The following RBMS1 variants were observed in gnomAD, a reference collection of about 807,000 sequenced individuals.
RBMS1 encodes RNA-binding motif, single-stranded-interacting protein 1.
A neutral mutation model predicts 62.3 loss-of-function variants in RBMS1; 17 were observed. That is an observed-to-expected ratio of 0.27 (90% CI 0.19 to 0.41). RBMS1 has a LOEUF of 0.41. Ranked by LOEUF, RBMS1 falls within the 10% of genes least tolerant of loss-of-function variation. The probability of loss-of-function intolerance (pLI) is 1.00; values close to 1 mark genes in which losing one functional copy is unlikely to be tolerated. For missense variants in RBMS1, 334 were observed against 504.5 expected (o/e 0.66, Z 3.24); for synonymous variants, 172 against 170.0 (o/e 1.01, Z -0.09).
intron 3 of RBMS1, among the ~76,000 whole-genome samples, chr2:160,313,930 A>AC (rs1690071802): frequency 6.6e-6 from 1 of 152,194 alleles, no homozygotes; most frequent in Admixed American, 6.5e-5. Flanking sequence ...CAAACACATA[A>AC]CCTCCTTAGA....
chr2:160,421,322 G>A (rs1017298182), intron 1 of RBMS1, among the ~76,000 whole-genome samples: 16 of 141,080 alleles, frequency 1.1e-4, no homozygotes, highest in African/African-American at 2.8e-4. Flanking sequence ...GACAGGCCCC[G>A]GTGTGTGATG....
intron 2 of RBMS1, among the ~76,000 whole-genome samples, chr2:160,318,457 G>A (rs1690361484): frequency 6.6e-6 from 1 of 152,170 alleles, no homozygotes; most frequent in Non-Finnish European, 1.5e-5. Flanking sequence ...ATTGCAGTTT[G>A]AAGTTCAACT....
chr2:160,488,758 A>G (rs1006014327), intron 1 of RBMS1, among the ~76,000 whole-genome samples: 18 of 152,200 alleles, frequency 1.2e-4, no homozygotes, highest in African/African-American at 4.1e-4. Flanking sequence ...TTTAGATTGC[A>G]TAAAACACTT....
At chr2:160,477,925 AG>A (rs1162685011) in intron 1 of RBMS1, among the ~76,000 whole-genome samples, 1 of 152,240 alleles carries the variant, frequency 6.6e-6, no homozygotes, top group Non-Finnish European at 1.5e-5. Context: ...GTTTTCGGAG[AG>A]ATTTGAAACA....
intron 1 of RBMS1, among the ~76,000 whole-genome samples, chr2:160,402,260 G>A (rs1274385779): frequency 6.6e-6 from 1 of 152,200 alleles, no homozygotes; most frequent in African/African-American, 2.4e-5. Flanking sequence ...CTTTCAATTA[G>A]GTAGAGTGCA....
intron 6 of RBMS1, among the ~76,000 whole-genome samples, chr2:160,290,764 A>C (rs536574747): frequency 6.6e-6 from 1 of 152,306 alleles, no homozygotes; most frequent in African/African-American, 2.4e-5. Context: ...ACACTGATCT[A>C]ATATTTTCCG....
intron 1 of RBMS1, among the ~76,000 whole-genome samples, chr2:160,448,943 G>A (rs1683810701): frequency 6.6e-6 from 1 of 151,506 alleles, no homozygotes; most frequent in Non-Finnish European, 1.5e-5. Context: ...CTGCCCGGTC[G>A]CCATCCCGTC....
chr2:160,327,005 T>C (rs988214219), intron 2 of RBMS1, among the ~76,000 whole-genome samples: 13 of 152,298 alleles, frequency 8.5e-5, no homozygotes, highest in Middle Eastern at 3.4e-3. Flanking sequence ...GCCTGCAGAT[T>C]TGAGGTGATT....
At chr2:160,285,133 T>G (rs1688309115) in intron 7 of RBMS1, 89 bp from the exon 8 acceptor site, 2 of 1,291,688 alleles carry the variant, frequency 1.5e-6, no homozygotes, top group Admixed American at 3.4e-5. Context: ...GGTGTGCACC[T>G]GTAGTCCCAG....
chr2:160,394,790 C>T (rs1366436245), intron 1 of RBMS1, among the ~76,000 whole-genome samples: 2 of 152,134 alleles, frequency 1.3e-5, no homozygotes, highest in African/African-American at 4.8e-5. Context: ...ATTAGAAAAA[C>T]ATTAGTGCAA....
At chr2:160,392,084 T>C (rs751263120) in intron 1 of RBMS1, among the ~76,000 whole-genome samples, 2 of 152,220 alleles carry the variant, frequency 1.3e-5, no homozygotes, top group African/African-American at 4.8e-5. Flanking sequence ...ATTGAGCTCT[T>C]AATCCAAAAC....
At chr2:160,446,159 T>C (rs1391357563) in intron 1 of RBMS1, among the ~76,000 whole-genome samples, 1 of 152,188 alleles carries the variant, frequency 6.6e-6, no homozygotes, top group African/African-American at 2.4e-5. Context: ...TCAAAAAGTT[T>C]TACATTTCAG....
intron 2 of RBMS1, among the ~76,000 whole-genome samples, chr2:160,321,512 G>A (rs1348173976): frequency 6.6e-6 from 1 of 151,982 alleles, no homozygotes; most frequent in Non-Finnish European, 1.5e-5. Context: ...ACTCACCAAA[G>A]CTTTGGTTTT....
At chr2:160,300,796 C>A in intron 5 of RBMS1, 66 bp from the exon 6 acceptor site, 1 of 1,397,176 alleles carries the variant, frequency 7.2e-7, no homozygotes, top group Non-Finnish European at 9.4e-7. Flanking sequence ...TTGTTCGGTG[C>A]ATGCATAAAC....
rs1477125786 is a variant in RBMS1 at position 160,324,919 on chromosome 2, C to CAT, written c.252-6693_252-6692insAT. On this transcript the variant is annotated intron_variant, in intron 2 of 13. Coordinates refer to ENST00000348849, the MANE Select transcript of RBMS1 (RefSeq NM_016836.4). ...ATATATATATATATACACACACACA[C>CAT]ACACACACACACACACACATATATA... Among the ~76,000 whole-genome samples the CAT allele has an allele frequency of 1.8e-3, 226 of 127,130 alleles. 2 individuals carry two copies. The highest frequency in any genetic ancestry group is 3.5e-3 in the Non-Finnish European group (206 of 58,506). 83.4% of individuals were successfully genotyped at this position (127,130 alleles called of 152,430 possible).
intron 1 of RBMS1, among the ~76,000 whole-genome samples, chr2:160,406,418 C>T (rs1325141774): frequency 6.6e-6 from 1 of 152,176 alleles, no homozygotes; most frequent in Non-Finnish European, 1.5e-5. Context: ...CTTAAGAGAG[C>T]CACGGTCTGC....
Position 160,274,313 on chromosome 2 carries a change from T to C in RBMS1, c.*459A>G. ...AACACCATGGGTGAAGTCGGACTAT[T>C]TAAACTTCAGAAAGCCCATTTCATA... On this transcript the variant is annotated 3_prime_UTR_variant, in exon 14 of 14. Transcript: ENST00000348849. The C allele has an allele frequency of 6.6e-6, 1 of 152,434 alleles. No individual in the cohort carries two copies. The allele number at this position is 152,434 out of a possible 1,614,324, so 9.4% of individuals were successfully genotyped here.
intron 1 of RBMS1, among the ~76,000 whole-genome samples, chr2:160,374,583 A>C (rs977829745): frequency 6.6e-6 from 1 of 152,176 alleles, no homozygotes; most frequent in African/African-American, 2.4e-5. Context: ...AGAATGCAAA[A>C]CTAGAAAAAC....
chr2:160,280,348 C>T (rs899766343), intron 10 of RBMS1, among the ~76,000 whole-genome samples: 14 of 152,126 alleles, frequency 9.2e-5, no homozygotes, highest in Non-Finnish European at 2.9e-5. Context: ...TATCAGAGCG[C>T]GCCTCTCCTA....
Sources: gnomAD v4.1 joint callset for allele counts (sites outside exome capture counted in the v4.1 genomes callset) on GRCh38, gnomAD v4.1.1 for gene constraint, MANE v1.5 for transcripts, NCBI Gene and HGNC (gene_info 2026-07-23, HGNC 2026-07-21) for gene names.